QTMAN: variants seen among roughly 807,000 people sequenced by gnomAD.
QTMAN encodes queuosine-tRNA mannosyltransferase, also known as tRNA-queuosine alpha-mannosyltransferase.
chr2:144,163,888 T>C, the QTMAN span, among the ~76,000 whole-genome samples: 1 of 152,148 alleles, frequency 6.6e-6, no homozygotes, highest in African/African-American at 2.4e-5. Flanking sequence ...CTGCCTGCTT[T>C]GCTAACTACT....
the QTMAN span, among the ~76,000 whole-genome samples, chr2:144,192,090 G>C: frequency 6.6e-6 from 1 of 151,740 alleles, no homozygotes; most frequent in African/African-American, 2.4e-5. Context: ...TGAAAAGTTA[G>C]AGGTGTTTAT....
chr2:144,246,821 C>G, the QTMAN span, among the ~76,000 whole-genome samples: 1 of 152,098 alleles, frequency 6.6e-6, no homozygotes, highest in African/African-American at 2.4e-5. Flanking sequence ...TAAAATATGA[C>G]ATCCTTATAC....
At chr2:144,004,614 T>C in the QTMAN span, among the ~76,000 whole-genome samples, 1 of 152,058 alleles carries the variant, frequency 6.6e-6, no homozygotes, top group African/African-American at 2.4e-5. Flanking sequence ...GGAACTCTAA[T>C]GGGCTTAGAA....
the QTMAN span, chr2:143,941,902 A>G: frequency 6.6e-6 from 1 of 151,798 alleles, no homozygotes; most frequent in Non-Finnish European, 1.5e-5. Flanking sequence ...GGAAAGGCTT[A>G]TACAAAAAAA....
the QTMAN span, among the ~76,000 whole-genome samples, chr2:144,002,559 A>G: frequency 6.6e-6 from 1 of 152,012 alleles, no homozygotes. Context: ...GCTTCTCATT[A>G]TTCAAAAATG....
At chr2:143,976,737 T>C in the QTMAN span, among the ~76,000 whole-genome samples, 17 of 152,354 alleles carry the variant, frequency 1.1e-4, no homozygotes, top group African/African-American at 4.1e-4. Context: ...TGCTCTTCTT[T>C]TCTCTCTTTT....
the QTMAN span, among the ~76,000 whole-genome samples, chr2:144,271,954 T>C: frequency 3.3e-5 from 5 of 152,318 alleles, no homozygotes; most frequent in Admixed American, 6.5e-5. Flanking sequence ...TCCCTCCTTC[T>C]TTCCCAAAGG....
chr2:144,133,146 TA>T, the QTMAN span, among the ~76,000 whole-genome samples: 1 of 53,268 alleles, frequency 1.9e-5, no homozygotes, highest in Non-Finnish European at 3.1e-5. Flanking sequence ...TATATATATA[TA>T]TATAATATAA....
chr2:144,241,734 T>C, the QTMAN span, among the ~76,000 whole-genome samples: 1 of 152,170 alleles, frequency 6.6e-6, no homozygotes, highest in Non-Finnish European at 1.5e-5. Flanking sequence ...AGGAAGCTTA[T>C]CTTGTTACTA....
chr2:144,021,686 A>G, the QTMAN span, among the ~76,000 whole-genome samples: 1 of 152,242 alleles, frequency 6.6e-6, no homozygotes, highest in Non-Finnish European at 1.5e-5. Context: ...AAGCAAATAA[A>G]CCCAATGTAA....
chr2:143,997,056 G>A, the QTMAN span, among the ~76,000 whole-genome samples: 1 of 152,078 alleles, frequency 6.6e-6, no homozygotes. Flanking sequence ...GTTACCACAA[G>A]TGAAAAAACT....
chr2:143,951,143 A>G, the QTMAN span: 1 of 152,044 alleles, frequency 6.6e-6, no homozygotes, highest in Non-Finnish European at 1.5e-5. Flanking sequence ...ACATAGGAAA[A>G]TTAAAATATG....
chr2:144,193,972 A>G, the QTMAN span, among the ~76,000 whole-genome samples: 13 of 152,166 alleles, frequency 8.5e-5, no homozygotes, highest in African/African-American at 3.1e-4. Context: ...CAAACCACCT[A>G]TATCTGAGGA....
the QTMAN span, among the ~76,000 whole-genome samples, chr2:144,050,724 A>G: frequency 6.6e-6 from 1 of 152,126 alleles, no homozygotes. Context: ...AATAGATTTA[A>G]ACCTTTTGTC....
chr2:144,314,091 A>G, the QTMAN span, among the ~76,000 whole-genome samples: 1 of 152,206 alleles, frequency 6.6e-6, no homozygotes, highest in African/African-American at 2.4e-5. Context: ...AATGACTTAT[A>G]CAAAAATTCT....
At chr2:144,011,615 C>T in the QTMAN span, 4 of 973,688 alleles carry the variant, frequency 4.1e-6, no homozygotes, top group South Asian at 1.4e-4. Flanking sequence ...TAAGAGAAGC[C>T]TGGCAATAAA....
the QTMAN span, among the ~76,000 whole-genome samples, chr2:144,104,830 C>T: frequency 2.0e-5 from 3 of 152,190 alleles, no homozygotes; most frequent in Admixed American, 6.5e-5. Context: ...CCCTGATCCC[C>T]GAGTAGCCTA....
At chr2:144,277,558 TC>T in the QTMAN span, among the ~76,000 whole-genome samples, 1 of 152,144 alleles carries the variant, frequency 6.6e-6, no homozygotes. Context: ...TACAAGACAT[TC>T]TTAAAAATAA....
the QTMAN span, among the ~76,000 whole-genome samples, chr2:144,125,018 A>T: frequency 6.6e-6 from 1 of 152,142 alleles, no homozygotes; most frequent in Non-Finnish European, 1.5e-5. Context: ...CCAGGAAACT[A>T]GCAGCCAAGT....
Sources: allele counts gnomAD v4.1 joint callset (sites outside exome capture counted in the v4.1 genomes callset), GRCh38; gene constraint gnomAD v4.1.1; transcripts MANE v1.5; gene names NCBI Gene and HGNC (gene_info 2026-07-23, HGNC 2026-07-21).